SNX30: variants seen among roughly 807,000 people sequenced by gnomAD.
SNX30 encodes sorting nexin-30.
A neutral mutation model predicts 46.4 loss-of-function variants in SNX30; 24 were observed. The observed-to-expected ratio is 0.52, with a 90% CI of 0.37 to 0.73. SNX30 has a LOEUF of 0.73. Among genes scored for constraint, SNX30 ranks in the 30% least tolerant of loss-of-function variants. The pLI, the probability that SNX30 is intolerant of heterozygous loss-of-function variation, is 0.00. For synonymous variants in SNX30, 189 were observed against 211.5 expected (o/e 0.89, Z 0.92); for missense variants, 533 against 555.7 (o/e 0.96, Z 0.41).
chr9:112,862,614 G>A (rs1391315175), intron 7 of SNX30, among the ~76,000 whole-genome samples: 4 of 152,180 alleles, frequency 2.6e-5, no homozygotes, highest in Non-Finnish European at 5.9e-5. Context: ...GAAAAAGTCA[G>A]TCTCTGACCT....
chr9:112,833,201 C>T (rs932006679), intron 4 of SNX30, among the ~76,000 whole-genome samples: 1 of 152,140 alleles, frequency 6.6e-6, no homozygotes, highest in African/African-American at 2.4e-5. Context: ...GCACCCTATT[C>T]CCCCTCTTCC....
intron 1 of SNX30, among the ~76,000 whole-genome samples, chr9:112,787,829 C>T (rs1043436268): frequency 6.6e-6 from 1 of 151,298 alleles, no homozygotes; most frequent in Admixed American, 6.6e-5. Flanking sequence ...TGGAGTCTCG[C>T]TCTGTCGCCC....
chr9:112,843,577 G>A (rs1840890080), intron 6 of SNX30, among the ~76,000 whole-genome samples: 1 of 149,314 alleles, frequency 6.7e-6, no homozygotes, highest in Non-Finnish European at 1.5e-5. Flanking sequence ...AAAGGAGTAA[G>A]TGGTAAGCGG....
At chr9:112,765,869 T>C (rs566457229) in intron 1 of SNX30, among the ~76,000 whole-genome samples, 4 of 152,328 alleles carry the variant, frequency 2.6e-5, no homozygotes, top group Non-Finnish European at 4.4e-5. Flanking sequence ...AGTGGCGCGA[T>C]CTCAGCTCAC....
intron 1 of SNX30, among the ~76,000 whole-genome samples, chr9:112,791,610 C>G (rs113284034): frequency 2.0e-5 from 3 of 151,914 alleles, no homozygotes; most frequent in African/African-American, 7.2e-5. Context: ...TGGGGTTTCA[C>G]CATGTTGGCC....
At chr9:112,848,738 C>G (rs189894256) in intron 6 of SNX30, among the ~76,000 whole-genome samples, 193 of 152,370 alleles carry the variant, frequency 1.3e-3, no homozygotes, top group African/African-American at 4.4e-3. Context: ...CCCTGCCTCT[C>G]CTGTGGGCCA....
chr9:112,752,908 C>T (rs1839298810), intron 1 of SNX30, among the ~76,000 whole-genome samples: 2 of 152,312 alleles, frequency 1.3e-5, no homozygotes, highest in South Asian at 2.1e-4. Context: ...ACTCACATGG[C>T]TGTTGGCAGG....
chr9:112,751,756 C>T (rs1839281538), intron 1 of SNX30, among the ~76,000 whole-genome samples: 1 of 152,158 alleles, frequency 6.6e-6, no homozygotes, highest in African/African-American at 2.4e-5. Context: ...CATTCACCTC[C>T]GACGGCCTAC....
intron 3 of SNX30, among the ~76,000 whole-genome samples, chr9:112,826,293 C>T (rs567289969): frequency 3.9e-5 from 6 of 152,226 alleles, no homozygotes; most frequent in Non-Finnish European, 5.9e-5. Flanking sequence ...GCACTGAAGG[C>T]AGTATCACAG....
intron 2 of SNX30, among the ~76,000 whole-genome samples, chr9:112,809,227 C>T (rs1461167652): frequency 6.6e-6 from 1 of 152,088 alleles, no homozygotes; most frequent in Non-Finnish European, 1.5e-5. Context: ...GCTGGGATTA[C>T]AGCACTGTGC....
chr9:112,814,368 G>GT (rs1435484338), intron 2 of SNX30, among the ~76,000 whole-genome samples: 1 of 152,124 alleles, frequency 6.6e-6, no homozygotes, highest in Non-Finnish European at 1.5e-5. Context: ...AGCGTCCTGA[G>GT]TAGCAGGGAC....
chr9:112,854,495 A>T (rs10739376), intron 7 of SNX30, among the ~76,000 whole-genome samples: 141,984 of 152,308 alleles, frequency 0.93, 66,254 homozygotes, highest in East Asian at 1. Flanking sequence ...CACATCTGCG[A>T]TCTCTTAGCA....
intron 3 of SNX30, among the ~76,000 whole-genome samples, chr9:112,822,143 G>A (rs1427587728): frequency 6.6e-6 from 1 of 151,314 alleles, no homozygotes; most frequent in African/African-American, 2.4e-5. Context: ...CAAACTCCTG[G>A]CCTCAAGGGA....
intron 2 of SNX30, among the ~76,000 whole-genome samples, chr9:112,816,297 C>G (rs1840395202): frequency 6.6e-6 from 1 of 152,162 alleles, no homozygotes; most frequent in South Asian, 2.1e-4. Context: ...GCCACTTGTT[C>G]CCAATATTTC....
At chr9:112,773,928 T>C (rs1839694962) in intron 1 of SNX30, among the ~76,000 whole-genome samples, 1 of 152,228 alleles carries the variant, frequency 6.6e-6, no homozygotes, top group Admixed American at 6.5e-5. Context: ...TAAATTACTC[T>C]TGGCTCATTC....
At chr9:112,867,664 C>A (rs1036790518) in intron 8 of SNX30, among the ~76,000 whole-genome samples, 2 of 149,696 alleles carry the variant, frequency 1.3e-5, no homozygotes, top group Non-Finnish European at 3.0e-5. Flanking sequence ...CTCCTTTCAC[C>A]TTCTCACAAT....
intron 5 of SNX30, 75 bp downstream of exon 5, chr9:112,836,484 G>A: frequency 6.9e-7 from 1 of 1,450,896 alleles, no homozygotes; most frequent in Non-Finnish European, 9.4e-7. Flanking sequence ...GTGCTACAGA[G>A]AATCAAACTG....
chr9:112,855,527 A>G (rs1841109474), intron 7 of SNX30, among the ~76,000 whole-genome samples: 1 of 152,266 alleles, frequency 6.6e-6, no homozygotes. Flanking sequence ...AGGGGAAGGA[A>G]GTGGCCTCAT....
intron 2 of SNX30, among the ~76,000 whole-genome samples, chr9:112,814,621 T>C (rs1488605794): frequency 6.6e-6 from 1 of 152,204 alleles, no homozygotes; most frequent in East Asian, 1.9e-4. Context: ...TTTGAAAGGA[T>C]GTTCAACCCC....
Sources: gnomAD v4.1 joint callset for allele counts (sites outside exome capture counted in the v4.1 genomes callset) on GRCh38, gnomAD v4.1.1 for gene constraint, MANE v1.5 for transcripts, NCBI Gene and HGNC (gene_info 2026-07-23, HGNC 2026-07-21) for gene names.